Variants in NUP210L observed in about 807,000 individuals in gnomAD.
NUP210L encodes the protein nucleoporin 210 like.
NUP210L carries 74 observed loss-of-function variants against 208.5 expected under a neutral mutation model. The observed-to-expected ratio is 0.35, with a 90% confidence interval of 0.29 to 0.43. The LOEUF (loss-of-function observed/expected upper bound fraction) is 0.43, where lower values mean the gene tolerates loss of function less well. NUP210L is among the 20% of genes least tolerant of loss of function. The pLI is 1.00. For synonymous variants in NUP210L, 780 were observed against 816.9 expected, an observed-to-expected ratio of 0.95 and a Z score of 0.77; for missense variants, 1,843 against 2,289.4, an observed-to-expected ratio of 0.81 and a Z score of 3.98.
intron 34 of NUP210L, among the ~76,000 whole-genome samples, 167 bp downstream of exon 34, chr1:154,012,077 C>T (rs1304155892): frequency 6.6e-6 from 1 of 152,054 alleles, no homozygotes; most frequent in Non-Finnish European, 1.5e-5. Context: ...AAACCTTAGT[C>T]TAGTCATAAT....
chr1:154,132,342 C>T (rs2148127129), intron 7 of NUP210L, among the ~76,000 whole-genome samples: 1 of 152,304 alleles, frequency 6.6e-6, no homozygotes, highest in East Asian at 1.9e-4. Flanking sequence ...CCTTGAGGAT[C>T]TATCTTGATC....
chr1:154,080,918 G>C (rs1423623445), intron 16 of NUP210L, among the ~76,000 whole-genome samples: 2 of 149,008 alleles, frequency 1.3e-5, no homozygotes, highest in Non-Finnish European at 3.0e-5. Flanking sequence ...AAGTTGCAGT[G>C]AGTCGAGATA....
At chr1:154,120,545 G>T (rs934978889) in intron 10 of NUP210L, among the ~76,000 whole-genome samples, 3 of 151,248 alleles carry the variant, frequency 2.0e-5, no homozygotes, top group Non-Finnish European at 2.9e-5. Context: ...GTTAATGGGT[G>T]CAGCACACCA....
At chr1:154,092,974 C>T (rs1656007556) in intron 15 of NUP210L, among the ~76,000 whole-genome samples, 1 of 152,100 alleles carries the variant, frequency 6.6e-6, no homozygotes, top group African/African-American at 2.4e-5. Flanking sequence ...ATCCTCCTGC[C>T]TTGATTCCCC....
intron 35 of NUP210L, among the ~76,000 whole-genome samples, chr1:154,004,686 G>A (rs1650407912): frequency 6.6e-6 from 1 of 151,922 alleles, no homozygotes; most frequent in South Asian, 2.1e-4. Flanking sequence ...TCCATCTGTT[G>A]CCCAGGCTGT....
chr1:154,006,584 C>T (rs908729617), intron 35 of NUP210L, among the ~76,000 whole-genome samples: 4 of 151,390 alleles, frequency 2.6e-5, no homozygotes, highest in East Asian at 3.9e-4. Flanking sequence ...ACCTCCGCCT[C>T]CTGGGTTCAA....
intron 16 of NUP210L, among the ~76,000 whole-genome samples, chr1:154,071,911 C>T (rs973828008): frequency 1.6e-4 from 24 of 151,940 alleles, no homozygotes; most frequent in Middle Eastern, 3.2e-3. Context: ...GCTGAGATTA[C>T]GGGCGTGAGC....
At chr1:154,001,514 C>G (rs1650210677) in intron 36 of NUP210L, among the ~76,000 whole-genome samples, 1 of 152,040 alleles carries the variant, frequency 6.6e-6, no homozygotes, top group South Asian at 2.1e-4. Flanking sequence ...ACTTTTTTTA[C>G]TCCTTTAGGT....
chr1:153,993,600 C>CT (rs1649617913), intron 38 of NUP210L, among the ~76,000 whole-genome samples: 1 of 146,064 alleles, frequency 6.8e-6, no homozygotes, highest in African/African-American at 2.5e-5. Flanking sequence ...ATGGAGTAGA[C>CT]AATAGTGTTG....
At chr1:154,006,357 C>G (rs1292620587) in intron 35 of NUP210L, among the ~76,000 whole-genome samples, 1 of 152,056 alleles carries the variant, frequency 6.6e-6, no homozygotes, top group Non-Finnish European at 1.5e-5. Context: ...CCTATATTGC[C>G]TGGAATGTCC....
chr1:154,080,324 C>T (rs1043472644), intron 16 of NUP210L, among the ~76,000 whole-genome samples: 6 of 149,042 alleles, frequency 4.0e-5, no homozygotes, highest in African/African-American at 1.5e-4. Context: ...CATGCCATTG[C>T]ACTCCAGCCT....
At chr1:154,132,916 T>G (rs983262764) in intron 7 of NUP210L, among the ~76,000 whole-genome samples, 1 of 152,176 alleles carries the variant, frequency 6.6e-6, no homozygotes, top group Non-Finnish European at 1.5e-5. Flanking sequence ...TCTGATAGAA[T>G]TTTTTTGGTG....
intron 33 of NUP210L, among the ~76,000 whole-genome samples, chr1:154,016,634 C>T (rs998883270): frequency 6.6e-6 from 1 of 152,076 alleles, no homozygotes; most frequent in Non-Finnish European, 1.5e-5. Context: ...CTCCAATTCT[C>T]CAATCAAACA....
At chr1:154,089,913 C>CA (rs1321390791) in intron 15 of NUP210L, among the ~76,000 whole-genome samples, 6 of 151,896 alleles carry the variant, frequency 4.0e-5, no homozygotes, top group Non-Finnish European at 2.9e-5. Context: ...CCCATCTCTA[C>CA]AAAAAATCTA....
intron 6 of NUP210L, among the ~76,000 whole-genome samples, chr1:154,136,949 T>C (rs2148135811): frequency 7.0e-6 from 1 of 142,038 alleles, no homozygotes; most frequent in African/African-American, 2.5e-5. Flanking sequence ...AAGCTCAATG[T>C]AACTTTTAGT....
At chr1:154,049,082 A>G (rs1261755114) in intron 25 of NUP210L, among the ~76,000 whole-genome samples, 4 of 152,220 alleles carry the variant, frequency 2.6e-5, no homozygotes, top group Non-Finnish European at 4.4e-5. Flanking sequence ...TAGATACAGG[A>G]GTGGACATTT....
intron 1 of NUP210L, 47 bp downstream of exon 1, chr1:154,154,795 C>A: frequency 6.8e-7 from 1 of 1,470,394 alleles, no homozygotes; most frequent in Non-Finnish European, 9.5e-7. Flanking sequence ...CTCACCCTTA[C>A]TGGATGGTAG....
At chr1:154,035,887 C>T (rs1163440453) in intron 27 of NUP210L, among the ~76,000 whole-genome samples, 1 of 151,956 alleles carries the variant, frequency 6.6e-6, no homozygotes, top group Non-Finnish European at 1.5e-5. Context: ...GTACCTGCCA[C>T]CGCGCCTGGC....
chr1:154,055,143 CTTTCTTTCT>C (rs1653767357), intron 23 of NUP210L, among the ~76,000 whole-genome samples: 2 of 104,310 alleles, frequency 1.9e-5, no homozygotes, highest in Non-Finnish European at 3.8e-5. Flanking sequence ...TTCTTTCTTT[CTTTCTTTCT>C]TTCTTTCTTT....
Sources: gnomAD v4.1 joint callset for allele counts (sites outside exome capture counted in the v4.1 genomes callset) on GRCh38, gnomAD v4.1.1 for gene constraint, MANE v1.5 for transcripts, NCBI Gene and HGNC (gene_info 2026-07-23, HGNC 2026-07-21) for gene names.